TPO: variants seen among roughly 807,000 people sequenced by gnomAD.
The protein encoded by TPO is thyroid microsomal antigen.
TPO carries 78 observed loss-of-function variants against 96.9 expected under a neutral mutation model. The ratio of observed to expected loss-of-function variants is 0.81; its 90% CI spans 0.67 to 0.97. The LOEUF is 0.97. Among genes scored for constraint, TPO ranks in the 50% least tolerant of loss-of-function variants. The pLI is 0.00. For missense variants in TPO, 1,252 were observed against 1,274.8 expected (o/e 0.98, Z 0.27); for synonymous variants, 547 against 538.0 (o/e 1.02, Z -0.23).
At chr2:1,534,552 T>C (rs76925170) in intron 15 of TPO, among the ~76,000 whole-genome samples, 5,313 of 17,586 alleles carry the variant, frequency 0.3, 1,298 homozygotes, top group Non-Finnish European at 0.36. Flanking sequence ...CCCAAATCCC[T>C]ACCACTCTGT....
intron 15 of TPO, among the ~76,000 whole-genome samples, chr2:1,537,866 C>T (rs1325800143): frequency 8.4e-5 from 3 of 35,526 alleles, no homozygotes; most frequent in African/African-American, 2.7e-4. Context: ...ATCTCAAATC[C>T]CCCCCACTGT....
chr2:1,526,466 C>A (rs1188446173), intron 15 of TPO, among the ~76,000 whole-genome samples: 1 of 143,992 alleles, frequency 6.9e-6, no homozygotes, highest in Non-Finnish European at 1.5e-5. Context: ...CCCCAAATCC[C>A]CTCCACTGTG....
At chr2:1,467,083 C>T (rs1320632869) in intron 7 of TPO, among the ~76,000 whole-genome samples, 1 of 151,906 alleles carries the variant, frequency 6.6e-6, no homozygotes, top group Non-Finnish European at 1.5e-5. Context: ...TAGGTTGTGT[C>T]ATTATTGTCA....
rs58980999 is a variant in TPO, at chr2:1,462,541, C to CACACACACACACACACACACACACACAT, written c.819+6260_819+6261insCACACACACACACACACACACACACATA. 3.2e-3 allele frequency among the ~76,000 whole-genome samples: 467 copies of CACACACACACACACACACACACACACAT among 148,002 alleles called. 22 individuals are homozygous for CACACACACACACACACACACACACACAT. Among genetic ancestry groups the CACACACACACACACACACACACACACAT allele is most frequent in the African/African-American group, 0.011 (440 of 39,358 alleles). ...AAACACACACACACACACACACACACAGATATCAATGAAAGATAAATGAAC... is the reference window on the plus strand; with the variant it reads ...AAACACACACACACACACACACACACACACACACACACACACACACACACACATAGATATCAATGAAAGATAAATGAAC... On this transcript the variant is annotated intron_variant, in intron 7 of 16. Coordinates refer to ENST00000329066, the MANE Select transcript of TPO (RefSeq NM_001206744.2).
At chr2:1,422,398 C>T (rs1663840838) in intron 2 of TPO, among the ~76,000 whole-genome samples, 1 of 109,328 alleles carries the variant, frequency 9.1e-6, no homozygotes, top group African/African-American at 3.7e-5. Context: ...CGCGCTGGGC[C>T]ATGGGGAGAG....
intron 1 of TPO, among the ~76,000 whole-genome samples, chr2:1,399,159 A>T (rs1248276099): frequency 6.6e-6 from 1 of 152,202 alleles, no homozygotes; most frequent in African/African-American, 2.4e-5. Flanking sequence ...CTGTTCAGCC[A>T]TCCCTCCCTT....
intron 16 of TPO, chr2:1,542,145 C>T (rs1680833625): frequency 8.8e-6 from 5 of 568,572 alleles, no homozygotes; most frequent in Non-Finnish European, 1.3e-5. Context: ...CTCAGCACGG[C>T]TTCTTCCTGA....
At chr2:1,408,481 C>CCTA (rs1662278626), upstream of TPO, among the ~76,000 whole-genome samples, 1 of 152,162 alleles carries the variant, frequency 6.6e-6, no homozygotes, top group Non-Finnish European at 1.5e-5. Context: ...GTTCAGTGAG[C>CCTA]TTAGCTGCCT....
upstream of TPO, among the ~76,000 whole-genome samples, chr2:1,412,979 C>T (rs1445788603): frequency 1.3e-5 from 2 of 152,056 alleles, no homozygotes; most frequent in African/African-American, 4.8e-5. Context: ...CATTTTTCAC[C>T]TCAACAAATT....
chr2:1,393,854 C>A (rs1295478019), intron 1 of TPO, among the ~76,000 whole-genome samples: 1 of 152,222 alleles, frequency 6.6e-6, no homozygotes, highest in Admixed American at 6.5e-5. Flanking sequence ...TATTTCACTT[C>A]TTCTTTACGC....
At chr2:1,533,090 T>C (rs1359944213) in intron 15 of TPO, among the ~76,000 whole-genome samples, 6 of 108,978 alleles carry the variant, frequency 5.5e-5, no homozygotes, top group Admixed American at 2.4e-4. Context: ...AGCAACCTCC[T>C]CAAATCTCTC....
intron 1 of TPO, among the ~76,000 whole-genome samples, chr2:1,377,967 T>G (rs994703187): frequency 2.6e-5 from 4 of 152,136 alleles, no homozygotes; most frequent in Non-Finnish European, 5.9e-5. Context: ...GGGAGATAAT[T>G]GAATCATGGG....
At chr2:1,501,286 AACTC>A (rs1465487451) in intron 13 of TPO, among the ~76,000 whole-genome samples, 4 of 150,862 alleles carry the variant, frequency 2.7e-5, no homozygotes, top group Non-Finnish European at 6.0e-5. Context: ...CTCTTCTTGA[AACTC>A]AAGGCGAAGC....
intron 5 of TPO, among the ~76,000 whole-genome samples, chr2:1,441,867 T>G (rs1208778333): frequency 6.6e-6 from 1 of 152,208 alleles, no homozygotes; most frequent in African/African-American, 2.4e-5. Context: ...AATCAAGTGC[T>G]CCATGGCGGG....
chr2:1,460,371 G>A (rs144116335), intron 7 of TPO, among the ~76,000 whole-genome samples: 9 of 152,270 alleles, frequency 5.9e-5, no homozygotes, highest in Admixed American at 2.0e-4. Flanking sequence ...CAGCTAAGTG[G>A]CTCCCCAGCA....
At chr2:1,492,382 T>C (rs552922984) in intron 10 of TPO, among the ~76,000 whole-genome samples, 7 of 152,320 alleles carry the variant, frequency 4.6e-5, no homozygotes, top group African/African-American at 1.7e-4. Flanking sequence ...CTTAAACTCC[T>C]GACCTCAGGC....
Position 1,529,069 on chromosome 2 carries a change from CCCTAAA to C in TPO, c.2619-11524_2619-11519del, listed in dbSNP as rs1322942606. ...CAAATCTCCCCAGTGTGTGCAACTT[CCCTAAA>C]TCCCCCCAACTGTGTTTAACCTCTC... On this transcript the variant is annotated intron_variant, in intron 15 of 16. Transcript: ENST00000329066. 5.4e-4 allele frequency among the ~76,000 whole-genome samples: 77 copies of C among 142,978 alleles called. 1 individual carries two copies. The highest frequency in any genetic ancestry group is 1.9e-3 in the African/African-American group (69 of 36,496). 93.8% of individuals were successfully genotyped at this position (142,978 alleles called of 152,430 possible).
chr2:1,462,089 C>T (rs986942812), intron 7 of TPO, among the ~76,000 whole-genome samples: 4 of 152,224 alleles, frequency 2.6e-5, no homozygotes, highest in Non-Finnish European at 4.4e-5. Context: ...TCAACTTTCT[C>T]TTCTGGCTCT....
chr2:1,478,080 C>T (rs1335830733), intron 8 of TPO: 1 of 985,338 alleles, frequency 1.0e-6, no homozygotes, highest in Non-Finnish European at 1.2e-6. Context: ...ATTTCAGAGA[C>T]AGTGCAGTGA....
Sources: allele counts gnomAD v4.1 joint callset (sites outside exome capture counted in the v4.1 genomes callset), GRCh38; gene constraint gnomAD v4.1.1; transcripts MANE v1.5; gene names NCBI Gene and HGNC (gene_info 2026-07-23, HGNC 2026-07-21).